Variants in CSMD1 observed in about 807,000 individuals in gnomAD.
The protein encoded by CSMD1 is CUB and sushi domain-containing protein 1.
Under a neutral mutation model 417.5 loss-of-function variants are expected in CSMD1, and 213 were observed. That is an observed-to-expected ratio of 0.51 (90% CI 0.46 to 0.57). CSMD1 has a LOEUF of 0.57. Among genes scored for constraint, CSMD1 ranks in the 20% least tolerant of loss-of-function variants. CSMD1 has a pLI of 0.00. For missense variants in CSMD1, 6,923 were observed against 4,529.7 expected, an observed-to-expected ratio of 1.53 and a Z score of -15.17; for synonymous variants, 2,862 against 1,736.8, an observed-to-expected ratio of 1.65 and a Z score of -16.11.
At chr8:4,242,697 C>T (rs928520219) in intron 3 of CSMD1, among the ~76,000 whole-genome samples, 6 of 141,428 alleles carry the variant, frequency 4.2e-5, no homozygotes, top group Admixed American at 1.5e-4. Context: ...GCTCACTCTG[C>T]TGTGAGTGGA....
intron 7 of CSMD1, among the ~76,000 whole-genome samples, chr8:3,691,039 C>G (rs1800210146): frequency 6.6e-6 from 1 of 151,960 alleles, no homozygotes; most frequent in Non-Finnish European, 1.5e-5. Flanking sequence ...GTATCTTTTT[C>G]TCTCTAACAC....
At chr8:4,959,856 C>T (rs1192579983) in intron 1 of CSMD1, among the ~76,000 whole-genome samples, 35 of 152,208 alleles carry the variant, frequency 2.3e-4, no homozygotes, top group Admixed American at 2.3e-3. Flanking sequence ...TCTGTGAAAA[C>T]ATCAGTGTCT....
chr8:3,683,063 G>T (rs544478339), intron 7 of CSMD1, among the ~76,000 whole-genome samples: 2 of 152,152 alleles, frequency 1.3e-5, no homozygotes, highest in South Asian at 4.2e-4. Flanking sequence ...GGGGTAGAGG[G>T]AAGGGATAGC....
At chr8:3,153,700 G>A (rs1819338778) in intron 39 of CSMD1, among the ~76,000 whole-genome samples, 1 of 152,184 alleles carries the variant, frequency 6.6e-6, no homozygotes, top group Admixed American at 6.5e-5. Context: ...TGCAGGAGGG[G>A]CTGGCCCAGG....
At chr8:3,796,746 T>A (rs942207349) in intron 5 of CSMD1, among the ~76,000 whole-genome samples, 6 of 151,172 alleles carry the variant, frequency 4.0e-5, no homozygotes, top group African/African-American at 1.5e-4. Context: ...TTATAGGTGG[T>A]TGCAATTATA....
intron 49 of CSMD1, among the ~76,000 whole-genome samples, chr8:3,060,258 G>A (rs1812506475): frequency 1.3e-5 from 2 of 150,342 alleles, no homozygotes; most frequent in South Asian, 4.2e-4. Flanking sequence ...CGATTCTCCT[G>A]TCTCAGCCTC....
chr8:4,122,220 A>T (rs1410634136), intron 3 of CSMD1, among the ~76,000 whole-genome samples: 1 of 152,132 alleles, frequency 6.6e-6, no homozygotes, highest in Non-Finnish European at 1.5e-5. Context: ...CTATTTGCTG[A>T]CTTTTGTGAG....
At position 4,510,319 on chromosome 8, in the gene CSMD1, A is replaced by C. The variant is rs75524998; in HGVS notation, c.303-90254T>G. On this transcript the variant is annotated intron_variant, in intron 2 of 69. Transcript: ENST00000635120. ...TGAGAACAGACTGTTACACACTACA[A>C]CTAAATATTTCCCAGGTTAGCCATA... 2.5e-3 allele frequency among the ~76,000 whole-genome samples: 371 copies of C among 147,994 alleles called. 3 individuals are homozygous for C. The highest frequency in any genetic ancestry group is 8.8e-3 in the African/African-American group (355 of 40,194).
At chr8:3,547,948 T>C (rs1027713595) in intron 10 of CSMD1, among the ~76,000 whole-genome samples, 2 of 152,072 alleles carry the variant, frequency 1.3e-5, no homozygotes, top group African/African-American at 2.4e-5. Context: ...AAGTAGAAAT[T>C]TGCGATACAA....
At chr8:3,055,926 C>T (rs1200436308) in intron 49 of CSMD1, among the ~76,000 whole-genome samples, 6 of 152,168 alleles carry the variant, frequency 3.9e-5, no homozygotes, top group Non-Finnish European at 8.8e-5. Flanking sequence ...AAAAGGTAAT[C>T]AGGAGGGTTC....
intron 5 of CSMD1, among the ~76,000 whole-genome samples, chr8:3,988,220 T>C (rs955049926): frequency 6.6e-6 from 1 of 152,156 alleles, no homozygotes. Flanking sequence ...ATCCTAAATC[T>C]GAAACTCAAT....
chr8:3,222,485 AT>A (rs530035032), intron 28 of CSMD1, among the ~76,000 whole-genome samples: 310 of 152,110 alleles, frequency 2.0e-3, no homozygotes, highest in African/African-American at 7.1e-3. Flanking sequence ...AATTTTTAAA[AT>A]TTTTTGTAGT....
intron 18 of CSMD1, among the ~76,000 whole-genome samples, chr8:3,382,403 TATATA>T (rs1272355397): frequency 2.1e-5 from 3 of 143,708 alleles, no homozygotes; most frequent in African/African-American, 7.6e-5. Flanking sequence ...TATATGTTAT[TATATA>T]ATATATAACA....
At position 3,433,373 on chromosome 8, in the gene CSMD1, G is replaced by A. The variant is rs183785201; in HGVS notation, c.1562-23768C>T. 6.6e-5 allele frequency among the ~76,000 whole-genome samples: 10 copies of A among 152,236 alleles called. No homozygotes were observed. The East Asian group carries it at 1.9e-3, about 29-fold the overall frequency. On this transcript the variant is annotated intron_variant, in intron 12 of 69. Coordinates refer to ENST00000635120, the MANE Select transcript of CSMD1 (RefSeq NM_033225.6). Reference sequence around the variant, plus strand: ...AATATTTTCAATGAGAATCCCTTCTGCCTTTCAAAATGGGCATTAAGTGAA... The same window carrying A: ...AATATTTTCAATGAGAATCCCTTCTACCTTTCAAAATGGGCATTAAGTGAA...
At chr8:3,397,965 C>G (rs1585104536) in intron 16 of CSMD1, among the ~76,000 whole-genome samples, 1 of 152,120 alleles carries the variant, frequency 6.6e-6, no homozygotes, top group East Asian at 1.9e-4. Flanking sequence ...GAGCTGTGTA[C>G]TATGTCTAGA....
chr8:3,783,256 G>A (rs576260586), intron 5 of CSMD1, among the ~76,000 whole-genome samples: 129 of 152,238 alleles, frequency 8.5e-4, no homozygotes, highest in African/African-American at 3.0e-3. Context: ...AGGTGCTCCC[G>A]GAAAAACTGG....
At chr8:3,251,990 T>A (rs145815799) in intron 26 of CSMD1, among the ~76,000 whole-genome samples, 2 of 152,292 alleles carry the variant, frequency 1.3e-5, no homozygotes, top group East Asian at 1.9e-4. Flanking sequence ...TTTCTAGATA[T>A]AGAATCATGT....
At chr8:4,556,327 A>T (rs923829757) in intron 2 of CSMD1, among the ~76,000 whole-genome samples, 1 of 152,196 alleles carries the variant, frequency 6.6e-6, no homozygotes, top group Non-Finnish European at 1.5e-5. Context: ...TAGAATACCT[A>T]TTTTAAATAA....
intron 3 of CSMD1, among the ~76,000 whole-genome samples, chr8:4,168,188 C>T (rs1030481656): frequency 9.3e-5 from 14 of 150,428 alleles, no homozygotes; most frequent in Admixed American, 2.0e-4. Context: ...TACACACACA[C>T]GTATGTATGT....
Sources: gnomAD v4.1 joint callset for allele counts (sites outside exome capture counted in the v4.1 genomes callset) on GRCh38, gnomAD v4.1.1 for gene constraint, MANE v1.5 for transcripts, NCBI Gene and HGNC (gene_info 2026-07-23, HGNC 2026-07-21) for gene names.